The following NPAS3 variants were observed in gnomAD, a reference collection of about 807,000 sequenced individuals.
NPAS3 encodes the protein neuronal PAS domain-containing protein 3.
Under a neutral mutation model 73.1 loss-of-function variants are expected in NPAS3, and 14 were observed. That is an observed-to-expected ratio of 0.19 (90% confidence interval 0.13 to 0.30). The LOEUF (loss-of-function observed/expected upper bound fraction) is 0.30, where lower values mean the gene tolerates loss of function less well. Among genes scored for constraint, NPAS3 ranks in the 10% least tolerant of loss-of-function variants. NPAS3 has a pLI of 1.00. For synonymous variants in NPAS3, 620 were observed against 541.5 expected (o/e 1.14, Z -2.01); for missense variants, 1,096 against 1,250.0 (o/e 0.88, Z 1.86).
At chr14:33,307,612 T>TGTGTGTGTGTGTGTGTGTGTG (rs9322923) in intron 3 of NPAS3, among the ~76,000 whole-genome samples, 1 of 149,592 alleles carries the variant, frequency 6.7e-6, no homozygotes, top group African/African-American at 2.5e-5. Flanking sequence ...TGTGTGTGTG[T>TGTGTGTGTGTGTGTGTGTGTG]TCGTGTGCGT....
chr14:32,938,906 T>G (rs904303279), upstream of NPAS3, among the ~76,000 whole-genome samples: 1 of 142,176 alleles, frequency 7.0e-6, no homozygotes, highest in Non-Finnish European at 1.5e-5. Flanking sequence ...GCGCCGGGCA[T>G]GCCTCGGGAG....
chr14:32,954,041 G>T (rs1595081277), intron 1 of NPAS3, among the ~76,000 whole-genome samples: 2 of 152,174 alleles, frequency 1.3e-5, no homozygotes, highest in Non-Finnish European at 2.9e-5. Flanking sequence ...ATTATAGAAG[G>T]ATGAGAGGAC....
chr14:33,688,852 T>G (rs1442558236), intron 6 of NPAS3, among the ~76,000 whole-genome samples: 1 of 152,192 alleles, frequency 6.6e-6, no homozygotes, highest in Non-Finnish European at 1.5e-5. Context: ...TAGATTTTGG[T>G]GCAAAGATAT....
intron 2 of NPAS3, among the ~76,000 whole-genome samples, chr14:33,165,346 T>C (rs1408013752): frequency 6.6e-6 from 1 of 151,540 alleles, no homozygotes. Context: ...GCTATCCTCG[T>C]ATTATCATTA....
chr14:33,118,802 ACATGTG>A (rs2043144704), intron 2 of NPAS3, among the ~76,000 whole-genome samples: 1 of 151,952 alleles, frequency 6.6e-6, no homozygotes, highest in Non-Finnish European at 1.5e-5. Flanking sequence ...GCTTAATATA[ACATGTG>A]GCAGGTGGCC....
rs1180335752 is a variant in NPAS3 at position 33,024,174 on chromosome 14, G to GTGTA, written c.51-31730_51-31729insGTAT. 6.3e-4 allele frequency among the ~76,000 whole-genome samples: 95 copies of GTGTA among 149,850 alleles called. 1 individual carries two copies. Among genetic ancestry groups the GTGTA allele is most frequent in the South Asian group, 1.9e-3 (9 of 4,732 alleles). ...TGTGTGTGTGTGTGTGTGTGTGTAT[G>GTGTA]TATATTCCCCCCACCAAGATGGAGT... On this transcript the variant is annotated intron_variant, in intron 1 of 11. Transcript: ENST00000356141.
chr14:32,938,461 G>GAGAGAGAGAGAGAGAAAT (rs2035774758), upstream of NPAS3, among the ~76,000 whole-genome samples: 1 of 88,660 alleles, frequency 1.1e-5, no homozygotes, highest in Non-Finnish European at 2.6e-5. Context: ...ACGAGAAAGA[G>GAGAGAGAGAGAGAGAAAT]AGAGAGAGAG....
At chr14:32,966,976 G>T (rs1264072733) in intron 1 of NPAS3, among the ~76,000 whole-genome samples, 2 of 152,126 alleles carry the variant, frequency 1.3e-5, no homozygotes, top group African/African-American at 4.8e-5. Flanking sequence ...ACAATCGACA[G>T]AGTGAAGAGA....
chr14:33,341,787 A>G lies in NPAS3; in HGVS notation c.386-25399A>G, dbSNP rs2044496469. Among the ~76,000 whole-genome samples, 3 of 152,184 alleles carry G rather than the reference A, an allele frequency of 2.0e-5. No homozygotes were observed. In the South Asian group the frequency reaches 6.2e-4, roughly 31 times the overall value. On this transcript the variant is annotated intron_variant, in intron 3 of 11. Transcript: ENST00000356141. ...TGGTTTGAGAAAGATTCCATGTAGC[A>G]CAGTTAGGTCCATAAAAGGTAAGAA...
chr14:33,299,551 T>C (rs910227656), intron 3 of NPAS3, among the ~76,000 whole-genome samples: 1 of 151,944 alleles, frequency 6.6e-6, no homozygotes, highest in Non-Finnish European at 1.5e-5. Flanking sequence ...CAGACAGAAT[T>C]TGAACCCTGC....
At chr14:33,389,766 C>T (rs1161993023) in intron 4 of NPAS3, among the ~76,000 whole-genome samples, 6 of 152,036 alleles carry the variant, frequency 3.9e-5, no homozygotes, top group Non-Finnish European at 8.8e-5. Context: ...TTTTATAAAA[C>T]AACACATTTT....
intron 4 of NPAS3, among the ~76,000 whole-genome samples, chr14:33,456,412 A>G (rs2050025799): frequency 6.6e-6 from 1 of 152,224 alleles, no homozygotes; most frequent in Non-Finnish European, 1.5e-5. Context: ...GAATAGCAAC[A>G]TGCATGAAAT....
rs115360342 is a variant in NPAS3 at position 33,552,547 on chromosome 14, A to G, written c.469-7574A>G. Among the ~76,000 whole-genome samples, 244 of 152,332 alleles carry G rather than the reference A, an allele frequency of 1.6e-3. 3 individuals carry two copies. Among genetic ancestry groups the G allele is most frequent in the African/African-American group, 5.5e-3 (227 of 41,572 alleles). Reference sequence around the variant, plus strand: ...AAATGCAATATATATTATATATAATACGTGTAACAGCATATTTGATTCATA... The same window carrying G: ...AAATGCAATATATATTATATATAATGCGTGTAACAGCATATTTGATTCATA... On this transcript the variant is annotated intron_variant, in intron 4 of 11. Transcript: ENST00000356141.
chr14:33,022,375 T>C (rs981565888), intron 1 of NPAS3, among the ~76,000 whole-genome samples: 2 of 152,118 alleles, frequency 1.3e-5, no homozygotes, highest in South Asian at 4.1e-4. Context: ...TTAAAAAATA[T>C]TACTTTTGGC....
intron 3 of NPAS3, among the ~76,000 whole-genome samples, chr14:33,356,410 A>G (rs190517420): frequency 6.6e-6 from 1 of 152,174 alleles, no homozygotes; most frequent in African/African-American, 2.4e-5. Context: ...CTCTGTCTGC[A>G]TTTAGAAGGG....
At chr14:33,227,759 G>A (rs1476073221) in intron 3 of NPAS3, among the ~76,000 whole-genome samples, 1 of 152,154 alleles carries the variant, frequency 6.6e-6, no homozygotes, top group Non-Finnish European at 1.5e-5. Context: ...CAAACATTCA[G>A]TTCATAACAC....
chr14:33,648,936 C>T (rs1417070799), intron 5 of NPAS3, among the ~76,000 whole-genome samples: 5 of 152,156 alleles, frequency 3.3e-5, no homozygotes, highest in African/African-American at 4.8e-5. Context: ...TGAACAGCAG[C>T]GAATTGTGAG....
rs908890965 is a variant in NPAS3, at chr14:33,421,495, C to G, written c.468+54227C>G. On this transcript the variant is annotated intron_variant, in intron 4 of 11. Transcript: ENST00000356141. The stretch of plus-strand genomic sequence containing the variant: ...TAAGTGACCTTGTAAATGAAAGCTG[C>G]CTTTAAAAACACAATTAAGTTCTAA... Among the ~76,000 whole-genome samples the G allele has an allele frequency of 4.0e-5, 6 of 151,418 alleles. No homozygotes were observed. The East Asian group carries it at 9.7e-4, about 24-fold the overall frequency.
intron 2 of NPAS3, among the ~76,000 whole-genome samples, chr14:33,062,436 G>C (rs991883775): frequency 3.3e-5 from 5 of 152,154 alleles, no homozygotes; most frequent in African/African-American, 4.8e-5. Context: ...GCTTTTCCTG[G>C]CTTGAGGTGC....
Sources: gnomAD v4.1 joint callset for allele counts (sites outside exome capture counted in the v4.1 genomes callset) on GRCh38, gnomAD v4.1.1 for gene constraint, MANE v1.5 for transcripts, NCBI Gene and HGNC (gene_info 2026-07-23, HGNC 2026-07-21) for gene names.